The following ODAD2 variants were observed in gnomAD, a reference collection of about 807,000 sequenced individuals.
ODAD2 encodes outer dynein arm-docking complex subunit 2.
A neutral mutation model predicts 106.8 loss-of-function variants in ODAD2; 89 were observed. The ratio of observed to expected loss-of-function variants is 0.83; its 90% CI spans 0.70 to 0.99. ODAD2 has a LOEUF of 0.99. Ranked by LOEUF, ODAD2 falls within the 50% of genes least tolerant of loss-of-function variation. The pLI, the probability that ODAD2 is intolerant of heterozygous loss-of-function variation, is 0.00. For synonymous variants in ODAD2, 404 were observed against 436.2 expected, an observed-to-expected ratio of 0.93 and a Z score of 0.92; for missense variants, 1,168 against 1,238.5, an observed-to-expected ratio of 0.94 and a Z score of 0.85.
intron 9 of ODAD2, among the ~76,000 whole-genome samples, chr10:27,967,541 G>A (rs61842755): frequency 0.36 from 53,949 of 148,548 alleles, 10,401 homozygotes; most frequent in Middle Eastern, 0.57. Context: ...TCACCAGCCT[G>A]GAGAAGCAAC....
Position 27,891,380 on chromosome 10 carries a change from T to G in ODAD2, c.2610+16283A>C, listed in dbSNP as rs1018680245. Among the ~76,000 whole-genome samples the G allele has an allele frequency of 1.4e-4, 18 of 130,636 alleles. No individual in the cohort carries two copies. The South Asian group carries it at 2.6e-3, about 19-fold the overall frequency. The allele number at this position is 130,636 out of a possible 152,430, so 85.7% of individuals were successfully genotyped here. A position where few individuals can be genotyped will look rare whatever the true frequency, so the allele number is the denominator to read the frequency against. On this transcript the variant is annotated intron_variant, in intron 17 of 19. Coordinates refer to ENST00000305242, the MANE Select transcript of ODAD2 (RefSeq NM_018076.5). ...TTTTCAAATTACTAGAGTTTTTTGT[T>G]TTTTTTTTTTCCTTCAAGATCAAAA... is the stretch of plus-strand genomic sequence containing the variant.
chr10:27,825,882 T>C (rs756674450), intron 19 of ODAD2, among the ~76,000 whole-genome samples: 2 of 152,218 alleles, frequency 1.3e-5, no homozygotes, highest in Non-Finnish European at 2.9e-5. Flanking sequence ...ACTGAATCTG[T>C]TTTTCTAATA....
At chr10:27,879,932 C>A (rs1046174553) in intron 17 of ODAD2, among the ~76,000 whole-genome samples, 5 of 152,148 alleles carry the variant, frequency 3.3e-5, no homozygotes, top group African/African-American at 4.8e-5. Context: ...CCTACTCTCT[C>A]ATTTATCGAA....
At chr10:27,912,392 T>C (rs2133894065) in intron 16 of ODAD2, among the ~76,000 whole-genome samples, 1 of 152,264 alleles carries the variant, frequency 6.6e-6, no homozygotes, top group South Asian at 2.1e-4. Context: ...TACATGTACG[T>C]GCTTTTGGTT....
intron 17 of ODAD2, among the ~76,000 whole-genome samples, chr10:27,883,692 T>C (rs568266706): frequency 2.0e-5 from 3 of 152,272 alleles, no homozygotes; most frequent in African/African-American, 7.2e-5. Context: ...GTAGTGTGCA[T>C]CAATAAAGAG....
At chr10:27,948,778 G>GGTT (rs1847115638) in intron 10 of ODAD2, among the ~76,000 whole-genome samples, 1 of 39,234 alleles carries the variant, frequency 2.5e-5, no homozygotes, top group Non-Finnish European at 5.9e-5. Context: ...TTGGCCTTTG[G>GGTT]ATTTTTTTTT....
intron 16 of ODAD2, among the ~76,000 whole-genome samples, chr10:27,928,076 T>C (rs1845376709): frequency 6.6e-6 from 1 of 152,126 alleles, no homozygotes; most frequent in Non-Finnish European, 1.5e-5. Context: ...ATTCATTTAT[T>C]ATACAATAAG....
intron 16 of ODAD2, among the ~76,000 whole-genome samples, chr10:27,912,448 C>T (rs1054693659): frequency 3.2e-4 from 48 of 152,066 alleles, no homozygotes; most frequent in African/African-American, 1.0e-3. Flanking sequence ...CTGTTTGCTA[C>T]GTTTCTCAGG....
Position 27,995,008 on chromosome 10 carries a change from A to G in ODAD2, c.135T>C (p.His45=), listed in dbSNP as rs754457750. 1.9e-6 allele frequency: 3 copies of G among 1,614,218 alleles called. No homozygotes were observed. The highest frequency in any genetic ancestry group is 1.1e-5 in the South Asian group (1 of 91,078). ...IVFVESFIYK[H]PQEAKFVFVE... ...CAAAAACAAATTTTGCCTCTTGAGG[A>G]TGTTTATAGATAAAACTCTCCACAA... Residue 45 remains histidine, a synonymous_variant, in exon 2 of 20, where the codon CAT becomes CAC. Transcript: ENST00000305242.
intron 10 of ODAD2, among the ~76,000 whole-genome samples, chr10:27,952,074 CAAAAA>C (rs71388944): frequency 6.8e-5 from 3 of 44,036 alleles, no homozygotes; most frequent in Non-Finnish European, 1.3e-4. Context: ...GATGCCAACT[CAAAAA>C]AAAAAAAAAA....
At chr10:27,999,233 G>T (rs944779900), upstream of ODAD2, among the ~76,000 whole-genome samples, 2 of 152,218 alleles carry the variant, frequency 1.3e-5, no homozygotes, top group African/African-American at 4.8e-5. Context: ...GGTTGACTTT[G>T]ACAGAGGTCG....
intron 16 of ODAD2, among the ~76,000 whole-genome samples, chr10:27,927,235 C>T (rs1038954129): frequency 1.3e-5 from 2 of 152,064 alleles, no homozygotes; most frequent in African/African-American, 4.8e-5. Flanking sequence ...GAATTCTACT[C>T]CACAAAGTTA....
intron 17 of ODAD2, among the ~76,000 whole-genome samples, chr10:27,875,281 CT>C (rs1841246091): frequency 6.6e-6 from 1 of 152,144 alleles, no homozygotes; most frequent in South Asian, 2.1e-4. Context: ...AGGTTTTTAG[CT>C]GCTTTGTGAT....
chr10:27,864,536 G>A (rs1840293852), intron 17 of ODAD2, among the ~76,000 whole-genome samples: 1 of 150,336 alleles, frequency 6.7e-6, no homozygotes, highest in Admixed American at 6.7e-5. Context: ...GGGGAGTGAG[G>A]TGAGAGCGGG....
At chr10:27,983,788 A>G in intron 6 of ODAD2, 55 bp downstream of exon 6, 1 of 1,532,778 alleles carries the variant, frequency 6.5e-7, no homozygotes, top group East Asian at 2.3e-5. Context: ...TGAGACATCT[A>G]CAGCTAACAA....
chr10:27,913,802 G>A (rs1331696131), intron 16 of ODAD2, among the ~76,000 whole-genome samples: 4 of 152,022 alleles, frequency 2.6e-5, no homozygotes, highest in Non-Finnish European at 4.4e-5. Flanking sequence ...CACATGAGTC[G>A]GAATGGCTAT....
chr10:27,813,647 T>C (rs963063505), intron 19 of ODAD2, among the ~76,000 whole-genome samples: 1 of 152,294 alleles, frequency 6.6e-6, no homozygotes, highest in Non-Finnish European at 1.5e-5. Flanking sequence ...AGCAAAGAAA[T>C]CTTACTAAGA....
At chr10:27,958,655 C>T (rs1399633190) in intron 10 of ODAD2, among the ~76,000 whole-genome samples, 1 of 152,204 alleles carries the variant, frequency 6.6e-6, no homozygotes, top group Non-Finnish European at 1.5e-5. Flanking sequence ...CACACATTTG[C>T]TACAATAATA....
intron 19 of ODAD2, among the ~76,000 whole-genome samples, chr10:27,830,045 C>T (rs111359666): frequency 1.2e-3 from 178 of 152,150 alleles, no homozygotes; most frequent in Non-Finnish European, 2.0e-3. Flanking sequence ...TAAAATGGAA[C>T]GTCTGAACAG....
Sources: allele counts gnomAD v4.1 joint callset (sites outside exome capture counted in the v4.1 genomes callset), GRCh38; gene constraint gnomAD v4.1.1; transcripts MANE v1.5; gene names NCBI Gene and HGNC (gene_info 2026-07-23, HGNC 2026-07-21).